Variants in AXL observed in about 807,000 individuals in gnomAD.
AXL encodes the protein AXL receptor tyrosine kinase.
AXL carries 52 observed loss-of-function variants against 104.5 expected under a neutral mutation model. That is an observed-to-expected ratio of 0.50 (90% CI 0.40 to 0.63). The LOEUF is 0.63. AXL is among the 20% of genes least tolerant of loss of function. The pLI is 0.00. For synonymous variants in AXL, 455 were observed against 473.7 expected, an observed-to-expected ratio of 0.96 and a Z score of 0.51; for missense variants, 1,024 against 1,188.5, an observed-to-expected ratio of 0.86 and a Z score of 2.04.
chr19:41,228,115 G>A (rs977224177), intron 4 of AXL, among the ~76,000 whole-genome samples: 1 of 152,204 alleles, frequency 6.6e-6, no homozygotes, highest in Non-Finnish European at 1.5e-5. Context: ...ATAGCGGTTT[G>A]TGTTGGGTAT....
chr19:41,240,256 T>G (rs2034159054), intron 10 of AXL, among the ~76,000 whole-genome samples: 1 of 137,448 alleles, frequency 7.3e-6, no homozygotes, highest in African/African-American at 2.8e-5. Flanking sequence ...GGTGGATGGA[T>G]GGATGGTTGG....
intron 6 of AXL, among the ~76,000 whole-genome samples, chr19:41,234,971 G>T (rs1311709593): frequency 2.0e-5 from 3 of 152,210 alleles, no homozygotes; most frequent in Non-Finnish European, 4.4e-5. Context: ...CCTCCACTCT[G>T]AGTGTGCCAT....
chr19:41,257,194 C>T (rs542334700), intron 18 of AXL, among the ~76,000 whole-genome samples: 22 of 152,120 alleles, frequency 1.4e-4, no homozygotes, highest in Non-Finnish European at 2.6e-4. Context: ...CAGGCGCCCA[C>T]CACCATGCCT....
At position 41,239,849 on chromosome 19, in the gene AXL, G is replaced by A; in HGVS notation, c.1312+129G>A. 12 of 1,350,212 alleles carry A rather than the reference G, an allele frequency of 8.9e-6. No homozygotes were observed. The South Asian group carries it at 1.1e-4, about 12-fold the overall frequency. 83.6% of individuals were successfully genotyped at this position (1,350,212 alleles called of 1,614,324 possible). A position where few individuals can be genotyped will look rare whatever the true frequency, so the allele number is the denominator to read the frequency against. ...CTCATCACTCTAACCTACTTCTTGA[G>A]TTTGTGTGGTCCTTGATGGAGGTGC... On this transcript the variant is annotated intron_variant, in intron 10 of 19. Transcript: ENST00000301178.
In AXL at chr19:41,257,552, C is replaced by T. The variant is rs1300309877; in HGVS notation, c.2256C>T (p.Gly752=). 1 of 1,614,156 alleles carries T rather than the reference C, an allele frequency of 6.2e-7. No homozygotes were observed. Among genetic ancestry groups the T allele is most frequent in the South Asian group, 1.1e-5 (1 of 91,080 alleles). Reference sequence around the variant, plus strand: ...CAAGAGGCCAAACCCCATATCCGGGCGTGGAGAACAGCGAGATTTATGACT... The same window carrying T: ...CAAGAGGCCAAACCCCATATCCGGGTGTGGAGAACAGCGAGATTTATGACT... ...IATRGQTPYP[G]VENSEIYDYL... The change falls in exon 19 of 20, where the codon GGC becomes GGT. Residue 752 remains glycine (G), a synonymous_variant. Coordinates refer to ENST00000301178, the MANE Select transcript of AXL (RefSeq NM_021913.5).
Position 41,231,018 on chromosome 19 carries a change from T to C in AXL, c.638T>C (p.Val213Ala). Reference protein sequence around the residue: ...FSCEAHNAKGVTTSRTATITV... With the variant: ...FSCEAHNAKGATTSRTATITV... The stretch of plus-strand genomic sequence containing the variant: ...TGCGAAGCCCATAACGCCAAGGGGG[T>C]CACCACATCCCGCACAGCCACCATC... The change falls in exon 5 of 20, where the codon GTC becomes GCC. Residue 213 changes from valine (V) to alanine (A), a missense_variant. Transcript: ENST00000301178. The C allele has an allele frequency of 6.2e-7, 1 of 1,613,564 alleles. No homozygotes were observed. Among genetic ancestry groups the C allele is most frequent in the Non-Finnish European group, 8.5e-7 (1 of 1,179,864 alleles).
At chr19:41,248,371 G>A (rs2034304759) in intron 12 of AXL, 143 bp from the exon 13 acceptor site, 5 of 775,750 alleles carry the variant, frequency 6.4e-6, no homozygotes. Flanking sequence ...GGAAGTAGAG[G>A]GGTGCTCAGG....
In AXL at chr19:41,239,173, G is replaced by C. The variant is rs2034136137; in HGVS notation, c.1144G>C (p.Asp382His). 3.7e-6 allele frequency: 6 copies of C among 1,613,188 alleles called. No individual in the cohort carries two copies. The highest frequency in any genetic ancestry group is 5.1e-6 in the Non-Finnish European group (6 of 1,179,526). ...QGQDTPEVLM[D>H]IGLRQEVTLE... ...CTTCTGGACCTCCTAGGTGCTAATG[G>C]ACATAGGGCTAAGGCAAGAGGTGAC... is the stretch of plus-strand genomic sequence containing the variant. The change falls in exon 9 of 20, where the codon GAC (aspartate) becomes CAC (histidine). Residue 382 changes from aspartate to histidine, a missense_variant. Asp to His is a moderately conservative substitution (Grantham distance 81). This residue lies in a region of AXL where 332 missense variants were observed against 343.9 expected (regional missense o/e 0.97). Coordinates refer to ENST00000301178, the MANE Select transcript of AXL (RefSeq NM_021913.5).
At chr19:41,253,851 G>T (rs1599742690) in intron 17 of AXL, 143 bp downstream of exon 17, 2 of 662,228 alleles carry the variant, frequency 3.0e-6, no homozygotes, top group Non-Finnish European at 5.3e-6. Flanking sequence ...TCAGTAAGGG[G>T]GTCTGGGAAG....
intron 4 of AXL, chr19:41,226,640 G>C (rs1326094002): frequency 1.5e-5 from 10 of 688,250 alleles, no homozygotes; most frequent in Non-Finnish European, 1.8e-5. Context: ...GTACACGCAC[G>C]GAGCAAACAC....
Position 41,253,086 on chromosome 19 carries a change from C to A in AXL, c.1926+119C>A. 6.3e-6 allele frequency: 7 copies of A among 1,115,558 alleles called. 1 individual carries two copies. In the South Asian group the frequency reaches 9.5e-5, roughly 15 times the overall value. The allele number at this position is 1,115,558 out of a possible 1,614,324, so 69.1% of individuals were successfully genotyped here. A position where few individuals can be genotyped will look rare whatever the true frequency, so the allele number is the denominator to read the frequency against. ...AGGAGCTTGCTCTCCTGGAGCATTT[C>A]TTCCAGCAGGGGAGGGGCGGATGAT... On this transcript the variant is annotated intron_variant, in intron 16 of 19. Coordinates refer to ENST00000301178, the MANE Select transcript of AXL (RefSeq NM_021913.5).
At chr19:41,250,898 G>C (rs189464009) in intron 14 of AXL, among the ~76,000 whole-genome samples, 17 of 152,246 alleles carry the variant, frequency 1.1e-4, no homozygotes, top group Admixed American at 4.6e-4. Context: ...CTGAATCTCA[G>C]CCGTGCAACC....
Position 41,257,572 on chromosome 19 carries a change from A to G in AXL, c.2276A>G (p.Tyr759Cys). Residue 759 changes from tyrosine (Y) to cysteine (C), a missense_variant, in exon 19 of 20, where the codon TAT (tyrosine) becomes TGT (cysteine). Transcript: ENST00000301178. Reference sequence around the variant, plus strand: ...CCGGGCGTGGAGAACAGCGAGATTTATGACTATCTGCGCCAGGGAAATCGC... The same window carrying G: ...CCGGGCGTGGAGAACAGCGAGATTTGTGACTATCTGCGCCAGGGAAATCGC... ...PYPGVENSEIYDYLRQGNRLK... is the reference protein window; with the variant it reads ...PYPGVENSEICDYLRQGNRLK... 6.2e-7 allele frequency: 1 copy of G among 1,614,168 alleles called. No individual in the cohort carries two copies.
At position 41,256,438 on chromosome 19, in the gene AXL, C is replaced by T; in HGVS notation, c.2037-14C>T. On this transcript the variant is annotated splice_polypyrimidine_tract_variant and intron_variant, in intron 17 of 19. Coordinates refer to ENST00000301178, the MANE Select transcript of AXL (RefSeq NM_021913.5). ...CTGATGCCCTGACCCTGTTCCTTTC[C>T]CCAATCCAAACAGGCTGAATGAGAA... The T allele has an allele frequency of 6.2e-7, 1 of 1,608,142 alleles. No individual in the cohort carries two copies. The highest frequency in any genetic ancestry group is 1.1e-5 in the South Asian group (1 of 90,976).
chr19:41,228,078 G>A (rs763476303), intron 4 of AXL, among the ~76,000 whole-genome samples: 2 of 152,122 alleles, frequency 1.3e-5, no homozygotes, highest in Non-Finnish European at 2.9e-5. Flanking sequence ...GTGAAACCTC[G>A]GATAAAGGGG....
At chr19:41,253,995 G>C (rs1384683847) in intron 17 of AXL, among the ~76,000 whole-genome samples, 1 of 151,880 alleles carries the variant, frequency 6.6e-6, no homozygotes. Context: ...ATGGGGGTGG[G>C]GACACGTGAG....
rs964317390 is a variant in AXL, at chr19:41,221,872, C to A, written c.410-8C>A. The A allele has an allele frequency of 7.4e-6, 12 of 1,613,002 alleles. No homozygotes were observed. The highest frequency in any genetic ancestry group is 2.7e-5 in the African/African-American group (2 of 74,880). ...GACCCCAGCCTCTACCACTGCCCAC[C>A]CCGCTAGGCTTGCCTTACTTCCTGG... On this transcript the variant is annotated splice_region_variant and splice_polypyrimidine_tract_variant and intron_variant, in intron 3 of 19. Transcript: ENST00000301178.
intron 19 of AXL, among the ~76,000 whole-genome samples, chr19:41,259,174 C>T (rs1268705146): frequency 1.3e-5 from 2 of 152,170 alleles, no homozygotes; most frequent in South Asian, 2.1e-4. Context: ...ATTTATTCTC[C>T]GTCTTTTGCA....
rs574337115 is a variant in AXL, at chr19:41,224,046, T to C, written c.586+1990T>C. On this transcript the variant is annotated intron_variant, in intron 4 of 19. Coordinates refer to ENST00000301178, the MANE Select transcript of AXL (RefSeq NM_021913.5). ...GTCCCAATATGTGTTTGGATCTTTA[T>C]AGCATGTCTCTCTCTCTACGTTTCT... 7.2e-5 allele frequency among the ~76,000 whole-genome samples: 11 copies of C among 152,122 alleles called. No homozygotes were observed. The South Asian group carries it at 2.3e-3, about 32-fold the overall frequency.
Sources: allele counts gnomAD v4.1 joint callset (sites outside exome capture counted in the v4.1 genomes callset), GRCh38; gene constraint gnomAD v4.1.1; regional missense constraint gnomAD v4.1.1; transcripts MANE v1.5; gene names NCBI Gene and HGNC (gene_info 2026-07-23, HGNC 2026-07-21).